Variants in MYO1G observed in about 807,000 individuals in gnomAD.
MYO1G encodes unconventional myosin-Ig.
Under a neutral mutation model 115.3 loss-of-function variants are expected in MYO1G, and 65 were observed. The ratio of observed to expected loss-of-function variants is 0.56; its 90% CI spans 0.46 to 0.69. The LOEUF is 0.69. Ranked by LOEUF, MYO1G falls within the 30% of genes least tolerant of loss-of-function variation. The probability of loss-of-function intolerance (pLI) is 0.00; values close to 1 mark genes in which losing one functional copy is unlikely to be tolerated. For synonymous variants in MYO1G, 510 were observed against 552.6 expected, an observed-to-expected ratio of 0.92 and a Z score of 1.08; for missense variants, 1,204 against 1,393.5, an observed-to-expected ratio of 0.86 and a Z score of 2.16.
intron 5 of MYO1G, chr7:44,973,591 C>T (rs1429414522): frequency 1.3e-5 from 2 of 152,216 alleles, no homozygotes; most frequent in African/African-American, 4.8e-5. Context: ...TCCCAGGGAG[C>T]TCCCACCTCA....
In MYO1G at chr7:44,969,629, G is replaced by A. The variant is rs1012988900; in HGVS notation, c.1503+76C>T. The A allele has an allele frequency of 2.3e-5, 36 of 1,586,458 alleles. No individual in the cohort carries two copies. In the African/African-American group the frequency reaches 3.6e-4, roughly 16 times the overall value. On this transcript the variant is annotated intron_variant, in intron 11 of 21. Transcript: ENST00000258787. The surrounding 1 kb of genome is among the most constrained non-coding windows in gnomAD (Gnocchi z 5.0). ...AGCTGGGTCCCCAACCAGGCCCCACGAGGCATGGGCAGCATGGTGCCTGTG... is the reference window on the plus strand; with the variant it reads ...AGCTGGGTCCCCAACCAGGCCCCACAAGGCATGGGCAGCATGGTGCCTGTG...
At position 44,976,707 on chromosome 7, in the gene MYO1G, C is replaced by T. The variant is rs746632636; in HGVS notation, c.305-50G>A. 4.3e-6 allele frequency: 7 copies of T among 1,609,696 alleles called. No individual in the cohort carries two copies. The Admixed American group carries it at 1.0e-4, about 23-fold the overall frequency. On this transcript the variant is annotated intron_variant, in intron 2 of 21. Coordinates refer to ENST00000258787, the MANE Select transcript of MYO1G (RefSeq NM_033054.3). The stretch of plus-strand genomic sequence containing the variant: ...GAATCAGCCAGGTTCGCTCTCTTAG[C>T]CCAGCTCCCTGTGCCCACTCACACC...
intron 17 of MYO1G, 88 bp from the exon 18 acceptor site, chr7:44,965,177 A>T (rs1423988432): frequency 1.3e-6 from 2 of 1,516,956 alleles, no homozygotes; most frequent in Non-Finnish European, 1.8e-6. Flanking sequence ...CTGAGCCCTC[A>T]GCCTGGTGCT....
chr7:44,971,911 C>T lies in MYO1G; in HGVS notation c.730-122G>A. 3 of 789,534 alleles carry T rather than the reference C, an allele frequency of 3.8e-6. No homozygotes were observed. The South Asian group carries it at 5.0e-5, about 13-fold the overall frequency. 48.9% of individuals were successfully genotyped at this position (789,534 alleles called of 1,614,324 possible). A position where few individuals can be genotyped will look rare whatever the true frequency, so the allele number is the denominator to read the frequency against. Reference sequence around the variant, plus strand: ...CCCTGTCCCCTGTCCCCTTCCTGAACCTGATTACTCCAGCCTAAGCACCTG... The same window carrying T: ...CCCTGTCCCCTGTCCCCTTCCTGAATCTGATTACTCCAGCCTAAGCACCTG... On this transcript the variant is annotated intron_variant, in intron 6 of 21. Coordinates refer to ENST00000258787, the MANE Select transcript of MYO1G (RefSeq NM_033054.3).
chr7:44,975,410 T>G, intron 4 of MYO1G, 74 bp downstream of exon 4: 1 of 1,561,516 alleles, frequency 6.4e-7, no homozygotes, highest in Non-Finnish European at 8.7e-7. Context: ...ACCGTCGGGA[T>G]GGGTACCTTC....
Position 44,969,617 on chromosome 7 carries a change from A to C in MYO1G, c.1503+88T>G. The C allele has an allele frequency of 6.3e-7, 1 of 1,580,114 alleles. No homozygotes were observed. The highest frequency in any genetic ancestry group is 8.7e-7 in the Non-Finnish European group (1 of 1,155,012). On this transcript the variant is annotated intron_variant, in intron 11 of 21. Transcript: ENST00000258787. The surrounding 1 kb of genome is among the most constrained non-coding windows in gnomAD (Gnocchi z 5.0). Reference sequence around the variant, plus strand: ...CAATGGCACCAAAGCTGGGTCCCCAACCAGGCCCCACGAGGCATGGGCAGC... The same window carrying C: ...CAATGGCACCAAAGCTGGGTCCCCACCCAGGCCCCACGAGGCATGGGCAGC...
chr7:44,970,061 G>A lies in MYO1G; in HGVS notation c.1311C>T (p.Arg437=), dbSNP rs143905156. The A allele has an allele frequency of 5.1e-5, 82 of 1,613,872 alleles. No individual in the cohort carries two copies. Among genetic ancestry groups the A allele is most frequent in the Non-Finnish European group, 6.2e-5 (73 of 1,179,996 alleles). ...TCACGCTCTGCCAGGTGATGCCCTC[G>A]CGCTCGTACTCTTCCTGTTCCTGCT... The part of the protein sequence containing the change: ...ILKQEQEEYE[R]EGITWQSVEY... Residue 437 remains arginine, a synonymous_variant, in exon 10 of 22, where the codon CGC becomes CGT. Coordinates refer to ENST00000258787, the MANE Select transcript of MYO1G (RefSeq NM_033054.3).
At chr7:44,971,902 C>G in intron 6 of MYO1G, 113 bp from the exon 7 acceptor site, 1 of 821,726 alleles carries the variant, frequency 1.2e-6, no homozygotes, top group Admixed American at 2.2e-5. Context: ...CCCCTGTCCC[C>G]TTCCTGAACC....
chr7:44,963,518 A>G lies in MYO1G; in HGVS notation c.2746-394T>C, dbSNP rs1794786219. 4.5e-6 allele frequency: 1 copy of G among 222,960 alleles called. No homozygotes were observed. The highest frequency in any genetic ancestry group is 8.7e-6 in the Non-Finnish European group (1 of 114,298). 13.8% of individuals were successfully genotyped at this position (222,960 alleles called of 1,614,324 possible). A position where few individuals can be genotyped will look rare whatever the true frequency, so the allele number is the denominator to read the frequency against. On this transcript the variant is annotated intron_variant, in intron 20 of 21. Transcript: ENST00000258787. The surrounding 1 kb of genome is among the most constrained non-coding windows in gnomAD (Gnocchi z 4.1). ...TGTGGCATTACACAGCAAGGCACTC[A>G]CCGCCCTTTCTATTGGGACAGTCAT...
In MYO1G at chr7:44,964,857, T is replaced by A. The variant is rs1794811918; in HGVS notation, c.2526+88A>T. The stretch of plus-strand genomic sequence containing the variant: ...ACAACCCCAGGCCTGGGAGAGGACA[T>A]CTGAGGGGACCTGGTCACAGCATTA... On this transcript the variant is annotated intron_variant, in intron 18 of 21. Coordinates refer to ENST00000258787, the MANE Select transcript of MYO1G (RefSeq NM_033054.3). This position sits in a 1 kb window ranked among gnomAD's most constrained non-coding sequence, Gnocchi z 5.1. 6.6e-7 allele frequency: 1 copy of A among 1,520,064 alleles called. No individual in the cohort carries two copies. The highest frequency in any genetic ancestry group is 8.9e-7 in the Non-Finnish European group (1 of 1,128,102). The allele number at this position is 1,520,064 out of a possible 1,614,324, so 94.2% of individuals were successfully genotyped here. A position where few individuals can be genotyped will look rare whatever the true frequency, so the allele number is the denominator to read the frequency against.
At chr7:44,975,082 G>T in intron 5 of MYO1G, 92 bp downstream of exon 5, 2 of 1,313,056 alleles carry the variant, frequency 1.5e-6, no homozygotes, top group Non-Finnish European at 2.2e-6. Context: ...GGGGGAATTG[G>T]GGTAGTGATG....
In MYO1G at chr7:44,962,691, T is replaced by C; in HGVS notation, c.*48A>G. ...GACTCAGAAGGTTTATTTGCAGCGC[T>C]GGCGGGGCGGACAATTGGCGGCCTC... On this transcript the variant is annotated 3_prime_UTR_variant, in exon 22 of 22. Transcript: ENST00000258787. This position sits in a 1 kb window ranked among gnomAD's most constrained non-coding sequence, Gnocchi z 5.3. 1 of 1,447,296 alleles carries C rather than the reference T, an allele frequency of 6.9e-7. No individual in the cohort carries two copies. The highest frequency in any genetic ancestry group is 9.0e-7 in the Non-Finnish European group (1 of 1,109,728). The allele number at this position is 1,447,296 out of a possible 1,614,324, so 89.7% of individuals were successfully genotyped here. A position where few individuals can be genotyped will look rare whatever the true frequency, so the allele number is the denominator to read the frequency against.
chr7:44,963,884 GGAA>G lies in MYO1G; in HGVS notation c.2745+162_2745+164del. 1.6e-6 allele frequency: 1 copy of G among 626,346 alleles called. No homozygotes were observed. Among genetic ancestry groups the G allele is most frequent in the Non-Finnish European group, 2.9e-6 (1 of 349,296 alleles). The allele number at this position is 626,346 out of a possible 1,614,324, so 38.8% of individuals were successfully genotyped here. ...TGGGACCTTTCACTCTGTGGGCGTG[GGAA>G]GCCACTGCAGGATTTTCAGCACGGG... On this transcript the variant is annotated intron_variant, in intron 20 of 21. Transcript: ENST00000258787. The surrounding 1 kb of genome is among the most constrained non-coding windows in gnomAD (Gnocchi z 4.1).
At chr7:44,977,164 G>A (rs1212729393) in intron 1 of MYO1G, 93 bp from the exon 2 acceptor site, 1 of 1,223,852 alleles carries the variant, frequency 8.2e-7, no homozygotes, top group Non-Finnish European at 1.1e-6. Flanking sequence ...GGCCCCAGTA[G>A]GCCAGCGCTC....
At chr7:44,976,754 T>A in intron 2 of MYO1G, 97 bp from the exon 3 acceptor site, 4 of 1,554,420 alleles carry the variant, frequency 2.6e-6, no homozygotes, top group Non-Finnish European at 3.5e-6. Flanking sequence ...CAAGATGGGG[T>A]CCTAGGGCCC....
In MYO1G at chr7:44,963,216, C is replaced by A; in HGVS notation, c.2746-92G>T. On this transcript the variant is annotated intron_variant, in intron 20 of 21. Transcript: ENST00000258787. The surrounding 1 kb of genome is among the most constrained non-coding windows in gnomAD (Gnocchi z 4.1). ...CCTCCCCAGGAAGCCTCTGCCGAAC[C>A]CCCAACCGCACCCGGGGAGCGCCGC... 7.3e-7 allele frequency: 1 copy of A among 1,361,388 alleles called. No individual in the cohort carries two copies. Among genetic ancestry groups the A allele is most frequent in the South Asian group, 1.6e-5 (1 of 61,354 alleles). The allele number at this position is 1,361,388 out of a possible 1,614,324, so 84.3% of individuals were successfully genotyped here.
chr7:44,972,239 G>A lies in MYO1G; in HGVS notation c.619-14C>T, dbSNP rs761504313. 3.1e-6 allele frequency: 5 copies of A among 1,596,376 alleles called. No homozygotes were observed. The highest frequency in any genetic ancestry group is 1.7e-5 in the Admixed American group (1 of 59,986). ...GCCTCTCAGCAACTAGAGGACACAG[G>A]CATCCTTTAGACAAATAAGCTCCCA... On this transcript the variant is annotated splice_polypyrimidine_tract_variant and intron_variant, in intron 5 of 21. Transcript: ENST00000258787.
In MYO1G at chr7:44,965,969, A is replaced by G. The variant is rs1234767900; in HGVS notation, c.2157+104T>C. On this transcript the variant is annotated intron_variant, in intron 16 of 21. Coordinates refer to ENST00000258787, the MANE Select transcript of MYO1G (RefSeq NM_033054.3). ...ATTGAGCACTCCCTGGCCTGTCTCCATCAAGCAGAGACTCCTGTGAAACTT... is the reference window on the plus strand; with the variant it reads ...ATTGAGCACTCCCTGGCCTGTCTCCGTCAAGCAGAGACTCCTGTGAAACTT... The G allele has an allele frequency of 1.9e-6, 3 of 1,545,336 alleles. No homozygotes were observed. The Admixed American group carries it at 5.1e-5, about 26-fold the overall frequency.
Position 44,969,973 on chromosome 7 carries a change from C to T in MYO1G, c.1332+67G>A, listed in dbSNP as rs565580273. The T allele has an allele frequency of 3.3e-4, 530 of 1,594,220 alleles. No individual in the cohort carries two copies. In the African/African-American group the frequency reaches 6.5e-3, roughly 20 times the overall value. Reference sequence around the variant, plus strand: ...AGCCACCTGTCAGGCCAGCCCGGGCCCCTCCCCATGGGCTGAGGCCCCTCC... The same window carrying T: ...AGCCACCTGTCAGGCCAGCCCGGGCTCCTCCCCATGGGCTGAGGCCCCTCC... On this transcript the variant is annotated intron_variant, in intron 10 of 21. Transcript: ENST00000258787. The surrounding 1 kb of genome is among the most constrained non-coding windows in gnomAD (Gnocchi z 5.0).
Sources: allele counts gnomAD v4.1 joint callset, GRCh38; gene constraint gnomAD v4.1.1; non-coding constraint Gnocchi (gnomAD v3.1); transcripts MANE v1.5; gene names NCBI Gene and HGNC (gene_info 2026-07-23, HGNC 2026-07-21).